The following CDH13 variants were observed in gnomAD, a reference collection of about 807,000 sequenced individuals.
CDH13 encodes cadherin-13.
Under a neutral mutation model 63.8 loss-of-function variants are expected in CDH13, and 24 were observed. The observed-to-expected ratio is 0.38, with a 90% confidence interval of 0.27 to 0.53. The LOEUF (loss-of-function observed/expected upper bound fraction) is 0.53, where lower values mean the gene tolerates loss of function less well. CDH13 is among the 20% of genes least tolerant of loss of function. The pLI, the probability that CDH13 is intolerant of heterozygous loss-of-function variation, is 0.85. For synonymous variants in CDH13, 503 were observed against 355.3 expected, an observed-to-expected ratio of 1.42 and a Z score of -4.67; for missense variants, 1,049 against 903.1, an observed-to-expected ratio of 1.16 and a Z score of -2.07.
At chr16:82,881,909 T>G (rs1482055735) in intron 2 of CDH13, among the ~76,000 whole-genome samples, 1 of 152,204 alleles carries the variant, frequency 6.6e-6, no homozygotes, top group African/African-American at 2.4e-5. Flanking sequence ...CACCACCAGC[T>G]TCTGTGGCAG....
intron 7 of CDH13, among the ~76,000 whole-genome samples, chr16:83,542,462 A>G (rs1455724522): frequency 3.9e-5 from 6 of 152,196 alleles, no homozygotes; most frequent in Admixed American, 2.6e-4. Flanking sequence ...CATAGGGACC[A>G]ATAACGTGCA....
intron 5 of CDH13, among the ~76,000 whole-genome samples, chr16:83,239,743 C>T (rs1183118880): frequency 6.6e-6 from 1 of 152,170 alleles, no homozygotes; most frequent in Non-Finnish European, 1.5e-5. Flanking sequence ...CTATTCAAGG[C>T]ACTCAGTAAC....
chr16:83,128,394 G>T (rs1165531567), intron 4 of CDH13, among the ~76,000 whole-genome samples: 1 of 152,176 alleles, frequency 6.6e-6, no homozygotes, highest in Non-Finnish European at 1.5e-5. Context: ...TTAAAGCCAG[G>T]AATCTGCGTT....
In CDH13 at chr16:83,757,138, C is replaced by G. The variant is rs1022242573; in HGVS notation, c.1681+8888C>G. 5.9e-5 allele frequency among the ~76,000 whole-genome samples: 9 copies of G among 152,294 alleles called. 1 individual carries two copies. Among genetic ancestry groups the G allele is most frequent in the Middle Eastern group, 6.8e-3 (2 of 294 alleles). Reference sequence around the variant, plus strand: ...CAAAATATAACCAGAAACACCCTAACTGACTGAACATAAAACAGTACACTT... The same window carrying G: ...CAAAATATAACCAGAAACACCCTAAGTGACTGAACATAAAACAGTACACTT... On this transcript the variant is annotated intron_variant, in intron 11 of 13. Coordinates refer to ENST00000567109, the MANE Select transcript of CDH13 (RefSeq NM_001257.5).
intron 7 of CDH13, among the ~76,000 whole-genome samples, chr16:83,580,021 C>T (rs377004504): frequency 2.0e-5 from 3 of 152,020 alleles, no homozygotes; most frequent in African/African-American, 7.3e-5. Flanking sequence ...GCATGTTTGG[C>T]TAACTACGGC....
At chr16:83,030,682 A>T (rs1597178051) in intron 2 of CDH13, among the ~76,000 whole-genome samples, 1 of 144,386 alleles carries the variant, frequency 6.9e-6, no homozygotes, top group African/African-American at 2.5e-5. Flanking sequence ...TGTGATTCTG[A>T]TGCACCCCAA....
intron 2 of CDH13, among the ~76,000 whole-genome samples, chr16:82,975,597 C>T (rs900399201): frequency 3.3e-5 from 5 of 152,290 alleles, no homozygotes; most frequent in South Asian, 4.1e-4. Context: ...AAATAATCAT[C>T]GTAATGATAC....
chr16:83,273,757 A>C (rs1036840892), intron 5 of CDH13, among the ~76,000 whole-genome samples: 2 of 152,200 alleles, frequency 1.3e-5, no homozygotes, highest in Non-Finnish European at 2.9e-5. Context: ...GCATTTCAAT[A>C]CTACATAGGT....
intron 5 of CDH13, among the ~76,000 whole-genome samples, chr16:83,297,963 C>T (rs919074861): frequency 5.2e-4 from 78 of 149,496 alleles, no homozygotes; most frequent in Admixed American, 6.7e-4. Context: ...GTAATCACAG[C>T]ACTTTAGGAG....
At chr16:83,343,241 A>G (rs780392739) in intron 5 of CDH13, among the ~76,000 whole-genome samples, 8 of 152,146 alleles carry the variant, frequency 5.3e-5, no homozygotes, top group Non-Finnish European at 1.2e-4. Flanking sequence ...TTCAAATTCT[A>G]TCCATATTTG....
intron 1 of CDH13, among the ~76,000 whole-genome samples, chr16:82,657,949 A>G (rs76382045): frequency 0.043 from 6,615 of 152,266 alleles, 174 homozygotes; most frequent in Non-Finnish European, 0.063. Context: ...TTCCAGGACG[A>G]TGTTGAAAAA....
chr16:83,017,884 C>A (rs762629705), intron 2 of CDH13, among the ~76,000 whole-genome samples: 1 of 152,052 alleles, frequency 6.6e-6, no homozygotes. Context: ...GGTCATAAAC[C>A]AAAGCTTAAT....
chr16:83,272,811 G>T (rs959424332), intron 5 of CDH13, among the ~76,000 whole-genome samples: 1 of 152,172 alleles, frequency 6.6e-6, no homozygotes, highest in African/African-American at 2.4e-5. Context: ...GGTCTGTTGA[G>T]TGGTCCTAGG....
intron 6 of CDH13, among the ~76,000 whole-genome samples, chr16:83,485,296 CT>C (rs1162953635): frequency 6.6e-6 from 1 of 152,210 alleles, no homozygotes; most frequent in Non-Finnish European, 1.5e-5. Flanking sequence ...TGTTTTTACT[CT>C]TTGCTGCCCA....
chr16:83,016,085 A>T (rs1465989887), intron 2 of CDH13, among the ~76,000 whole-genome samples: 1 of 152,140 alleles, frequency 6.6e-6, no homozygotes, highest in African/African-American at 2.4e-5. Flanking sequence ...CTTCATTCCC[A>T]TGAGACTGGA....
At chr16:83,496,974 C>T (rs964797549) in intron 7 of CDH13, among the ~76,000 whole-genome samples, 18 of 152,128 alleles carry the variant, frequency 1.2e-4, no homozygotes, top group African/African-American at 4.3e-4. Flanking sequence ...CCATCTCACA[C>T]CAGTTAGAAT....
intron 7 of CDH13, among the ~76,000 whole-genome samples, chr16:83,600,570 C>T (rs977548639): frequency 6.6e-6 from 1 of 152,102 alleles, no homozygotes; most frequent in Non-Finnish European, 1.5e-5. Context: ...ATTGGACATC[C>T]TCCATTGCTT....
At chr16:83,672,015 A>G (rs1024112473) in intron 9 of CDH13, among the ~76,000 whole-genome samples, 1 of 152,174 alleles carries the variant, frequency 6.6e-6, no homozygotes, top group Non-Finnish European at 1.5e-5. Context: ...CTAGTGGATG[A>G]AGCCATTTGC....
chr16:82,894,517 C>G (rs920459396), intron 2 of CDH13, among the ~76,000 whole-genome samples: 17 of 152,120 alleles, frequency 1.1e-4, no homozygotes, highest in African/African-American at 3.9e-4. Flanking sequence ...TGGCGTGCAC[C>G]TGTAACCCCA....
Sources: gnomAD v4.1 joint callset for allele counts (sites outside exome capture counted in the v4.1 genomes callset) on GRCh38, gnomAD v4.1.1 for gene constraint, MANE v1.5 for transcripts, NCBI Gene and HGNC (gene_info 2026-07-23, HGNC 2026-07-21) for gene names.